The following OPRM1 variants were observed in gnomAD, a reference collection of about 807,000 sequenced individuals.
OPRM1 encodes opioid receptor mu 1, also known as mu-type opioid receptor.
A neutral mutation model predicts 31.8 loss-of-function variants in OPRM1; 27 were observed. The ratio of observed to expected loss-of-function variants is 0.85; its 90% CI spans 0.63 to 1.17. The LOEUF is 1.17. Ranked by LOEUF, OPRM1 falls within the 50% of genes most tolerant of loss-of-function variation. The pLI, the probability that OPRM1 is intolerant of heterozygous loss-of-function variation, is 0.00. For synonymous variants in OPRM1, 196 were observed against 189.9 expected (o/e 1.03, Z -0.26); for missense variants, 536 against 511.1 (o/e 1.05, Z -0.47).
At chr6:154,237,019 ATCT>A (rs1352839433) in intron 3 of OPRM1, among the ~76,000 whole-genome samples, 1 of 152,192 alleles carries the variant, frequency 6.6e-6, no homozygotes, top group Non-Finnish European at 1.5e-5. Flanking sequence ...TCCTTTTGAA[ATCT>A]TCTTGAAACA....
Position 154,091,177 on chromosome 6 carries a change from T to A in OPRM1, c.869T>A (p.Val290Glu). 6.2e-7 allele frequency: 1 copy of A among 1,614,184 alleles called. No homozygotes were observed. Among genetic ancestry groups the A allele is most frequent in the South Asian group, 1.1e-5 (1 of 91,082 alleles). The change falls in exon 3 of 4, where the codon GTG (valine) becomes GAG (glutamate). Residue 290 changes from valine to glutamate, a missense_variant. Physicochemically the swap from Val to Glu is moderately radical, Grantham distance 121. Transcript: ENST00000330432. Reference sequence around the variant, plus strand: ...AGGATGGTGCTGGTGGTGGTGGCTGTGTTCATCGTCTGCTGGACTCCCATT... The same window carrying A: ...AGGATGGTGCTGGTGGTGGTGGCTGAGTTCATCGTCTGCTGGACTCCCATT... Reference protein sequence around the residue: ...ITRMVLVVVAVFIVCWTPIHI... With the variant: ...ITRMVLVVVAEFIVCWTPIHI...
At position 154,168,121 on chromosome 6, in the gene OPRM1, A is replaced by G; in HGVS notation, c.1164+76649A>G. ...CAGACACTTTTGTCTCTTCTATTTG[A>G]AAAAAAAAAAGAAAGCAGTAACAAT... On this transcript the variant is annotated intron_variant, in intron 3 of 3. Coordinates refer to the OPRM1 transcript ENST00000337049. The surrounding 1 kb of genome is among the most constrained non-coding windows in gnomAD (Gnocchi z 4.1). 1 of 930,396 alleles carries G rather than the reference A, an allele frequency of 1.1e-6. No individual in the cohort carries two copies. 57.6% of individuals were successfully genotyped at this position (930,396 alleles called of 1,614,324 possible). A position where few individuals can be genotyped will look rare whatever the true frequency, so the allele number is the denominator to read the frequency against.
At chr6:154,243,349 C>T (rs1322811250) in intron 3 of OPRM1, among the ~76,000 whole-genome samples, 2 of 152,124 alleles carry the variant, frequency 1.3e-5, no homozygotes, top group Non-Finnish European at 1.5e-5. Flanking sequence ...TTGTGTGCCG[C>T]GTCACACTAA....
At chr6:154,013,040 G>C (rs893396488) in intron 1 of OPRM1, among the ~76,000 whole-genome samples, 1 of 152,054 alleles carries the variant, frequency 6.6e-6, no homozygotes, top group African/African-American at 2.4e-5. Flanking sequence ...GGGCTGGGGG[G>C]GTACACAAAT....
At chr6:154,112,643 G>C (rs1280083648) in intron 3 of OPRM1, among the ~76,000 whole-genome samples, 2 of 152,222 alleles carry the variant, frequency 1.3e-5, no homozygotes, top group Non-Finnish European at 2.9e-5. Flanking sequence ...AGGGTGAGAA[G>C]ATGATTAGAT....
chr6:154,229,970 G>A (rs139384887), intron 3 of OPRM1, among the ~76,000 whole-genome samples: 169 of 152,328 alleles, frequency 1.1e-3, no homozygotes, highest in African/African-American at 3.9e-3. Flanking sequence ...CAAGCGATCA[G>A]TTATGACTGT....
At chr6:154,037,756 T>A (rs994182091), upstream of OPRM1, among the ~76,000 whole-genome samples, 1 of 152,136 alleles carries the variant, frequency 6.6e-6, no homozygotes, top group African/African-American at 2.4e-5. Context: ...TCGCCTTTTT[T>A]AAGTAATGAG....
At chr6:154,050,181 C>T (rs1675103131) in intron 1 of OPRM1, among the ~76,000 whole-genome samples, 1 of 152,086 alleles carries the variant, frequency 6.6e-6, no homozygotes, top group African/African-American at 2.4e-5. Context: ...GATCTCAGTA[C>T]TTGTTATTGA....
chr6:154,107,471 T>G, intron 3 of OPRM1: 1 of 718,584 alleles, frequency 1.4e-6, no homozygotes. Context: ...CTAGGTGGAA[T>G]TGAACCTGGA....
At chr6:154,243,723 T>C (rs1036142054) in intron 3 of OPRM1, among the ~76,000 whole-genome samples, 1 of 152,180 alleles carries the variant, frequency 6.6e-6, no homozygotes, top group Non-Finnish European at 1.5e-5. Context: ...GGAGTCGGAT[T>C]GGCATGCTGT....
intron 3 of OPRM1, among the ~76,000 whole-genome samples, chr6:154,182,388 T>C (rs1038002406): frequency 2.0e-5 from 3 of 152,214 alleles, no homozygotes; most frequent in Admixed American, 2.0e-4. Flanking sequence ...TTGTTATTAT[T>C]GAGTCTTGAG....
At chr6:154,207,307 C>T (rs143746128) in intron 3 of OPRM1, among the ~76,000 whole-genome samples, 53 of 152,298 alleles carry the variant, frequency 3.5e-4, no homozygotes, top group African/African-American at 1.3e-3. Flanking sequence ...AGATATTCAA[C>T]CATATGGCTT....
At chr6:154,093,237 G>T in intron 3 of OPRM1, 1 of 1,557,084 alleles carries the variant, frequency 6.4e-7, no homozygotes, top group Non-Finnish European at 8.7e-7. Context: ...CAAAATAATG[G>T]CCATTATAAA....
chr6:154,076,669 C>A (rs151089362), intron 1 of OPRM1, among the ~76,000 whole-genome samples: 11 of 152,250 alleles, frequency 7.2e-5, no homozygotes, highest in African/African-American at 2.4e-4. Context: ...GAATCTGACA[C>A]CTCCCCCAAA....
At chr6:154,105,751 A>G (rs184467180) in intron 3 of OPRM1, among the ~76,000 whole-genome samples, 1 of 152,350 alleles carries the variant, frequency 6.6e-6, no homozygotes, top group African/African-American at 2.4e-5. Flanking sequence ...TAACACATTT[A>G]TGCAAATATA....
At chr6:154,205,636 T>C (rs1275087714) in intron 3 of OPRM1, among the ~76,000 whole-genome samples, 1 of 152,134 alleles carries the variant, frequency 6.6e-6, no homozygotes. Flanking sequence ...CATTAATTTA[T>C]TATGTATTAT....
chr6:154,158,378 C>T (rs1287035705), intron 3 of OPRM1: 1 of 152,186 alleles, frequency 6.6e-6, no homozygotes, highest in Non-Finnish European at 1.5e-5. Flanking sequence ...CTCTCTTTAA[C>T]ACAATGATTT....
At chr6:154,058,451 C>A (rs578085020) in intron 1 of OPRM1, among the ~76,000 whole-genome samples, 2 of 152,252 alleles carry the variant, frequency 1.3e-5, no homozygotes, top group Middle Eastern at 6.8e-3. Context: ...CCTTTGAAAA[C>A]AGTTGTGTTT....
At chr6:154,099,656 CAT>C (rs1348541030) in intron 3 of OPRM1, among the ~76,000 whole-genome samples, 1 of 25,994 alleles carries the variant, frequency 3.8e-5, no homozygotes, top group Admixed American at 4.3e-4. Flanking sequence ...TATATACACA[CAT>C]GTATATACAT....
Sources: allele counts gnomAD v4.1 joint callset (sites outside exome capture counted in the v4.1 genomes callset), GRCh38; gene constraint gnomAD v4.1.1; non-coding constraint Gnocchi (gnomAD v3.1); transcripts MANE v1.5; gene names NCBI Gene and HGNC (gene_info 2026-07-23, HGNC 2026-07-21).